MRNIP: variants seen among roughly 807,000 people sequenced by gnomAD.
MRNIP encodes the protein MRN complex-interacting protein.
Under a neutral mutation model 29.8 loss-of-function variants are expected in MRNIP, and 30 were observed. The observed-to-expected ratio is 1.01, with a 90% CI of 0.75 to 1.36. The LOEUF (loss-of-function observed/expected upper bound fraction) is 1.36. Ranked by LOEUF, MRNIP falls within the 40% of genes most tolerant of loss-of-function variation. MRNIP has a pLI of 0.00. For synonymous variants in MRNIP, 201 were observed against 164.1 expected (o/e 1.23, Z -1.72); for missense variants, 459 against 423.5 (o/e 1.08, Z -0.74).
rs777158440 is a variant in MRNIP at position 179,837,784 on chromosome 5, C to G, written c.639G>C (p.Lys213Asn). 6.2e-7 allele frequency: 1 copy of G among 1,614,200 alleles called. No homozygotes were observed. Among genetic ancestry groups the G allele is most frequent in the Non-Finnish European group, 8.5e-7 (1 of 1,180,042 alleles). The stretch of plus-strand genomic sequence containing the variant: ...CCTGCTGGATGGGACTCCATAGCTC[C>G]TTCCCAGGACCCCTCAGCTCCCCGG... The part of the protein sequence containing the change: ...CSAGELRGPG[K>N]ELWSPIQQVT... Residue 213 changes from lysine (K) to asparagine (N), a missense_variant, in exon 7 of 7, where the codon AAG becomes AAC. Coordinates refer to ENST00000292586, the MANE Select transcript of MRNIP (RefSeq NM_016175.4).
At chr5:179,850,948 A>G in intron 2 of MRNIP, 1 of 298,076 alleles carries the variant, frequency 3.4e-6, no homozygotes, top group South Asian at 3.1e-5. Context: ...GATGAGCCTC[A>G]GGGAATAGAA....
At chr5:179,842,236 A>G (rs1758911316) in intron 4 of MRNIP, among the ~76,000 whole-genome samples, 172 bp from the exon 5 acceptor site, 1 of 152,128 alleles carries the variant, frequency 6.6e-6, no homozygotes, top group African/African-American at 2.4e-5. Context: ...TGCTGGCAGG[A>G]CAGTGCTCAC....
chr5:179,838,618 G>C (rs1280632606), intron 6 of MRNIP: 1 of 152,592 alleles, frequency 6.6e-6, no homozygotes, highest in Non-Finnish European at 1.5e-5. Context: ...AGAGGTTGCA[G>C]TGAGCCGAAA....
chr5:179,842,728 A>AG (rs1758944033), intron 4 of MRNIP, among the ~76,000 whole-genome samples: 1 of 131,874 alleles, frequency 7.6e-6, no homozygotes, highest in Non-Finnish European at 1.6e-5. Flanking sequence ...AAAAAAAAAA[A>AG]AAGAACAGAG....
intron 3 of MRNIP, among the ~76,000 whole-genome samples, chr5:179,845,253 G>A (rs1389050722): frequency 6.6e-6 from 1 of 151,630 alleles, no homozygotes; most frequent in African/African-American, 2.4e-5. Flanking sequence ...AGGCTGGTGT[G>A]CAGTGGCACA....
chr5:179,842,561 G>T (rs1458097183), intron 4 of MRNIP, among the ~76,000 whole-genome samples: 1 of 150,986 alleles, frequency 6.6e-6, no homozygotes, highest in African/African-American at 2.4e-5. Flanking sequence ...TTAGCCGGGC[G>T]TGATGGCAGG....
intron 1 of MRNIP, 128 bp downstream of exon 1, chr5:179,858,603 C>G: frequency 1.6e-6 from 1 of 608,076 alleles, no homozygotes; most frequent in South Asian, 2.2e-5. Context: ...GACCCGCCCT[C>G]AGCGGTCCCT....
chr5:179,855,913 T>G (rs997180275), intron 1 of MRNIP, among the ~76,000 whole-genome samples: 3 of 147,922 alleles, frequency 2.0e-5, no homozygotes, highest in Non-Finnish European at 4.4e-5. Context: ...AGTTGTTTTT[T>G]TTTTTTTTTT....
intron 2 of MRNIP, among the ~76,000 whole-genome samples, chr5:179,851,615 C>CTCTATTTA (rs1554093893): frequency 1.3e-5 from 2 of 151,936 alleles, no homozygotes; most frequent in Non-Finnish European, 2.9e-5. Flanking sequence ...CTTGCCAGCA[C>CTCTATTTA]TTTATTTATT....
chr5:179,840,613 C>T (rs1265441674), intron 6 of MRNIP: 2 of 568,154 alleles, frequency 3.5e-6, no homozygotes, highest in South Asian at 2.2e-5. Context: ...GACCTGCTGG[C>T]CAACCTCAGT....
intron 6 of MRNIP, chr5:179,840,621 A>T (rs921981130): frequency 1.8e-6 from 1 of 568,196 alleles, no homozygotes; most frequent in African/African-American, 1.9e-5. Context: ...GGCCAACCTC[A>T]GTTTCTCCAA....
intron 5 of MRNIP, chr5:179,841,189 A>G (rs1758868699): frequency 9.2e-6 from 5 of 542,668 alleles, no homozygotes; most frequent in Non-Finnish European, 1.6e-5. Flanking sequence ...ACCGGCACCC[A>G]GGCTGGAGTG....
At position 179,837,796 on chromosome 5, in the gene MRNIP, C is replaced by T. The variant is rs1179461916; in HGVS notation, c.627G>A (p.Arg209=). ...NSADCSAGEL[R]GPGKELWSPI... The stretch of plus-strand genomic sequence containing the variant: ...GACTCCATAGCTCCTTCCCAGGACC[C>T]CTCAGCTCCCCGGCACTGCAGTCTG... The change falls in exon 7 of 7, where the codon AGG becomes AGA. Residue 209 remains arginine, a synonymous_variant. Transcript: ENST00000292586. 5.6e-6 allele frequency: 9 copies of T among 1,613,944 alleles called. No individual in the cohort carries two copies. The highest frequency in any genetic ancestry group is 7.6e-6 in the Non-Finnish European group (9 of 1,180,048).
At chr5:179,842,621 AC>A (rs1255429533) in intron 4 of MRNIP, among the ~76,000 whole-genome samples, 2 of 135,568 alleles carry the variant, frequency 1.5e-5, no homozygotes, top group African/African-American at 5.5e-5. Context: ...AATGGTGTGA[AC>A]CCGGGAGGCG....
chr5:179,851,364 T>A (rs1283318547), intron 2 of MRNIP: 1 of 456,062 alleles, frequency 2.2e-6, no homozygotes, highest in African/African-American at 2.0e-5. Context: ...GAGACTCAGC[T>A]CTTCCAGTTG....
intron 2 of MRNIP, among the ~76,000 whole-genome samples, chr5:179,850,593 G>A (rs1759327168): frequency 6.6e-6 from 1 of 152,210 alleles, no homozygotes; most frequent in Non-Finnish European, 1.5e-5. Context: ...GCTGACAGAA[G>A]CAATTGTAAT....
At chr5:179,857,011 G>A (rs1288191255) in intron 1 of MRNIP, among the ~76,000 whole-genome samples, 1 of 152,128 alleles carries the variant, frequency 6.6e-6, no homozygotes, top group Non-Finnish European at 1.5e-5. Context: ...AGCTGAGCCC[G>A]GGAGATGCAG....
rs778076577 is a variant in MRNIP at position 179,847,985 on chromosome 5, GC to G, written c.207del (p.Pro70HisfsTer5). The G allele has an allele frequency of 1.9e-6, 3 of 1,607,720 alleles. No homozygotes were observed. The African/African-American group carries it at 4.0e-5, about 22-fold the overall frequency. ...CTTCTCAAACAACTGTACCTGAGTG[GC>G]AGCTCTGAAACTTGTCCCTGTAGTA... ...LNLLQGQVSE[L>X]PLRSLEETVS... On this transcript the variant is annotated frameshift_variant, in exon 3 of 7. Transcript: ENST00000292586. LOFTEE classifies it high-confidence loss of function.
intron 1 of MRNIP, among the ~76,000 whole-genome samples, chr5:179,855,754 G>A (rs759970263): frequency 3.3e-5 from 5 of 151,954 alleles, no homozygotes; most frequent in Non-Finnish European, 5.9e-5. Context: ...AGGTTTTCGG[G>A]GGAAGTATCC....
Sources: allele counts gnomAD v4.1 joint callset (sites outside exome capture counted in the v4.1 genomes callset), GRCh38; gene constraint gnomAD v4.1.1; transcripts MANE v1.5; gene names NCBI Gene and HGNC (gene_info 2026-07-23, HGNC 2026-07-21).